The following SMC2 variants were observed in gnomAD, a reference collection of about 807,000 sequenced individuals.
SMC2 encodes structural maintenance of chromosomes protein 2.
SMC2 carries 41 observed loss-of-function variants against 142.6 expected under a neutral mutation model. The observed-to-expected ratio is 0.29, with a 90% confidence interval of 0.22 to 0.37. The LOEUF (loss-of-function observed/expected upper bound fraction) is 0.37, where lower values mean the gene tolerates loss of function less well. Among genes scored for constraint, SMC2 ranks in the 10% least tolerant of loss-of-function variants. The pLI is 1.00. For synonymous variants in SMC2, 463 were observed against 457.5 expected, an observed-to-expected ratio of 1.01 and a Z score of -0.15; for missense variants, 1,265 against 1,373.7, an observed-to-expected ratio of 0.92 and a Z score of 1.25.
chr9:104,091,847 G>A (rs554812701), upstream of SMC2, among the ~76,000 whole-genome samples: 1 of 81,348 alleles, frequency 1.2e-5, no homozygotes, highest in South Asian at 5.0e-4. Flanking sequence ...GTGGCTGTAT[G>A]TGTGTCCTTG....
At chr9:104,129,603 TA>T in intron 20 of SMC2, 41 bp from the exon 21 acceptor site, 1 of 1,471,724 alleles carries the variant, frequency 6.8e-7, no homozygotes, top group Non-Finnish European at 9.5e-7. Context: ...TATTGGTTTG[TA>T]AACATTCATA....
Position 104,100,045 on chromosome 9 carries a change from T to C in SMC2, c.481-48T>C, listed in dbSNP as rs201049698. ...TGATATATTTAATGTAAATTCCAGT[T>C]GGACACATTGTCTTGGATACTAAAC... On this transcript the variant is annotated intron_variant, in intron 5 of 24. Transcript: ENST00000374793. The C allele has an allele frequency of 2.2e-5, 23 of 1,049,426 alleles. 1 individual carries two copies. The South Asian group carries it at 3.2e-4, about 15-fold the overall frequency. The allele number at this position is 1,049,426 out of a possible 1,614,324, so 65.0% of individuals were successfully genotyped here.
rs1398499923 is a variant in SMC2 at position 104,140,709 on chromosome 9, C to A, written c.*1394C>A. 6.6e-6 allele frequency: 1 copy of A among 151,194 alleles called. No individual in the cohort carries two copies. The allele number at this position is 151,194 out of a possible 1,614,324, so 9.4% of individuals were successfully genotyped here. A position where few individuals can be genotyped will look rare whatever the true frequency, so the allele number is the denominator to read the frequency against. On this transcript the variant is annotated 3_prime_UTR_variant, in exon 25 of 25. Coordinates refer to ENST00000374793, the MANE Select transcript of SMC2 (RefSeq NM_006444.3). ...CTGTAAATGTTGAGTTACAGAAAGT[C>A]CAATGTCAAATATAGTTTTTTTGTT...
At position 104,127,490 on chromosome 9, in the gene SMC2, T is replaced by G. The variant is rs751131545; in HGVS notation, c.2790+10T>G. On this transcript the variant is annotated intron_variant, in intron 20 of 24. Coordinates refer to ENST00000374793, the MANE Select transcript of SMC2 (RefSeq NM_006444.3). The stretch of plus-strand genomic sequence containing the variant: ...AGATGGTGCTGCAAAGGTATACGTT[T>G]GTGTGCATTTTTTATACTAAATCAA... The G allele has an allele frequency of 6.6e-7, 1 of 1,518,356 alleles. No individual in the cohort carries two copies. Among genetic ancestry groups the G allele is most frequent in the South Asian group, 1.4e-5 (1 of 74,010 alleles). The allele number at this position is 1,518,356 out of a possible 1,614,324, so 94.1% of individuals were successfully genotyped here. A position where few individuals can be genotyped will look rare whatever the true frequency, so the allele number is the denominator to read the frequency against.
intron 23 of SMC2, among the ~76,000 whole-genome samples, chr9:104,137,021 A>C (rs2131576588): frequency 6.6e-6 from 1 of 152,070 alleles, no homozygotes; most frequent in Middle Eastern, 3.4e-3. Context: ...GGTGGCATGC[A>C]CCTGTAATCT....
chr9:104,130,577 A>G (rs1421734955), intron 21 of SMC2, among the ~76,000 whole-genome samples: 1 of 150,818 alleles, frequency 6.6e-6, no homozygotes, highest in Non-Finnish European at 1.5e-5. Flanking sequence ...CTTTGAAGAA[A>G]TTTTACCATA....
chr9:104,099,602 C>T, intron 4 of SMC2, 42 bp from the exon 5 acceptor site: 1 of 1,282,080 alleles, frequency 7.8e-7, no homozygotes, highest in Non-Finnish European at 1.1e-6. Context: ...TAAACATTTT[C>T]TGTAATTTGT....
At position 104,100,089 on chromosome 9, in the gene SMC2, C is replaced by T. The variant is rs763396404; in HGVS notation, c.481-4C>T. 1 of 1,464,956 alleles carries T rather than the reference C, an allele frequency of 6.8e-7. No homozygotes were observed. The highest frequency in any genetic ancestry group is 1.4e-5 in the African/African-American group (1 of 70,106). The allele number at this position is 1,464,956 out of a possible 1,614,324, so 90.7% of individuals were successfully genotyped here. A position where few individuals can be genotyped will look rare whatever the true frequency, so the allele number is the denominator to read the frequency against. ...ACTAAACATTAATAAAATTGTCATT[C>T]CAGATTTTATCCATGATAGAAGAAG... On this transcript the variant is annotated splice_region_variant and splice_polypyrimidine_tract_variant and intron_variant, in intron 5 of 24. Transcript: ENST00000374793.
At chr9:104,107,585 A>G (rs1351392822) in intron 9 of SMC2, among the ~76,000 whole-genome samples, 1 of 152,250 alleles carries the variant, frequency 6.6e-6, no homozygotes, top group Non-Finnish European at 1.5e-5. Context: ...AAAGACCCAC[A>G]TGGGTTATAT....
At chr9:104,129,471 C>A (rs1016626685) in intron 20 of SMC2, among the ~76,000 whole-genome samples, 174 bp from the exon 21 acceptor site, 2 of 148,540 alleles carry the variant, frequency 1.3e-5, no homozygotes, top group Non-Finnish European at 3.0e-5. Flanking sequence ...CATTGCACTC[C>A]AGCTTGGGCA....
chr9:104,102,228 C>T lies in SMC2; in HGVS notation c.870+35C>T, dbSNP rs185607750. 62 of 1,272,610 alleles carry T rather than the reference C, an allele frequency of 4.9e-5. No individual in the cohort carries two copies. The African/African-American group carries it at 8.4e-4, about 17-fold the overall frequency. 78.8% of individuals were successfully genotyped at this position (1,272,610 alleles called of 1,614,324 possible). A position where few individuals can be genotyped will look rare whatever the true frequency, so the allele number is the denominator to read the frequency against. ...TATGTATAAGAATCGATAATATACT[C>T]TGTGAAAAACGTACTAAATTATATA... On this transcript the variant is annotated intron_variant, in intron 8 of 24. Transcript: ENST00000374793.
In SMC2 at chr9:104,111,636, T is replaced by C; in HGVS notation, c.1076T>C (p.Leu359Pro). Residue 359 changes from leucine to proline, a missense_variant, in exon 10 of 25, where the codon CTG becomes CCG. This residue lies in a region of SMC2 where 898 missense variants were observed against 904.2 expected (regional missense o/e 0.99). Transcript: ENST00000374793. ...EKEVKKITDG[L>P]HALQEASNKD... ...GAGGTTAAAAAGATAACAGATGGACTGCATGCCCTTCAAGAAGCAAGTAAT... is the reference window on the plus strand; with the variant it reads ...GAGGTTAAAAAGATAACAGATGGACCGCATGCCCTTCAAGAAGCAAGTAAT... 6.2e-7 allele frequency: 1 copy of C among 1,614,086 alleles called. No homozygotes were observed. Among genetic ancestry groups the C allele is most frequent in the Non-Finnish European group, 8.5e-7 (1 of 1,179,946 alleles).
In SMC2 at chr9:104,139,416, T is replaced by C; in HGVS notation, c.*101T>C. ...TTATATACAAAAATTAATGTTACTG[T>C]GTTACTTAACCCATGTTTTCTCTTT... On this transcript the variant is annotated 3_prime_UTR_variant, in exon 25 of 25. Coordinates refer to ENST00000374793, the MANE Select transcript of SMC2 (RefSeq NM_006444.3). The C allele has an allele frequency of 1.1e-6, 1 of 937,032 alleles. No homozygotes were observed. Among genetic ancestry groups the C allele is most frequent in the South Asian group, 1.8e-5 (1 of 56,286 alleles). The allele number at this position is 937,032 out of a possible 1,614,324, so 58.0% of individuals were successfully genotyped here.
intron 21 of SMC2, 87 bp downstream of exon 21, chr9:104,129,932 GTT>G: frequency 3.0e-6 from 3 of 985,580 alleles, no homozygotes; most frequent in Non-Finnish European, 4.6e-6. Context: ...AATTATTAGA[GTT>G]AACCTTTTGC....
intron 23 of SMC2, chr9:104,136,100 A>C (rs979917924): frequency 6.4e-6 from 2 of 313,648 alleles, no homozygotes; most frequent in Non-Finnish European, 6.4e-6. Context: ...TAGCCAATTA[A>C]TTAAAACCTC....
At chr9:104,096,357 GC>G in intron 3 of SMC2, 60 bp downstream of exon 3, 1 of 1,524,636 alleles carries the variant, frequency 6.6e-7, no homozygotes, top group Non-Finnish European at 8.9e-7. Context: ...GTGGTTTTTG[GC>G]CCTATGCCTT....
chr9:104,111,318 C>G (rs998076455), intron 9 of SMC2, among the ~76,000 whole-genome samples: 6 of 152,076 alleles, frequency 3.9e-5, no homozygotes, highest in African/African-American at 1.4e-4. Flanking sequence ...TTGTTTAAAT[C>G]TGCAATTATT....
chr9:104,095,476 C>G lies in SMC2; in HGVS notation c.92C>G (p.Thr31Ser), dbSNP rs148002848. ...TTTGACCCCCTCTTCAATGCTATCA[C>G]TGGCTTAAATGGTAGTGGGAAATCC... Reference protein sequence around the residue: ...NGFDPLFNAITGLNGSGKSNI... With the variant: ...NGFDPLFNAISGLNGSGKSNI... Residue 31 changes from threonine (T) to serine (S), a missense_variant, in exon 2 of 25, where the codon ACT becomes AGT. Coordinates refer to ENST00000374793, the MANE Select transcript of SMC2 (RefSeq NM_006444.3). 5 of 1,613,842 alleles carry G rather than the reference C, an allele frequency of 3.1e-6. No individual in the cohort carries two copies. The highest frequency in any genetic ancestry group is 4.2e-6 in the Non-Finnish European group (5 of 1,179,760).
rs1401156819 is a variant in SMC2, at chr9:104,102,565, A to G, written c.1012A>G (p.Met338Val). The G allele has an allele frequency of 6.2e-7, 1 of 1,613,088 alleles. No homozygotes were observed. The highest frequency in any genetic ancestry group is 1.1e-5 in the South Asian group (1 of 90,874). ...ESKRKELEKN[M>V]VEDSKTLAAK... Reference sequence around the variant, plus strand: ...CAAACGCAAAGAGCTGGAAAAAAATATGGTTGAGGTAAGTGAGCTTAATGT... The same window carrying G: ...CAAACGCAAAGAGCTGGAAAAAAATGTGGTTGAGGTAAGTGAGCTTAATGT... Residue 338 changes from methionine to valine, a missense_variant, in exon 9 of 25, where the codon ATG (methionine) becomes GTG (valine). Transcript: ENST00000374793.
Sources: gnomAD v4.1 joint callset for allele counts (sites outside exome capture counted in the v4.1 genomes callset) on GRCh38, gnomAD v4.1.1 for gene constraint, gnomAD v4.1.1 regional missense constraint, MANE v1.5 for transcripts, NCBI Gene and HGNC (gene_info 2026-07-23, HGNC 2026-07-21) for gene names.